Variants in SYBU observed in about 807,000 individuals in gnomAD.
SYBU encodes syntabulin.
Under a neutral mutation model 35.9 loss-of-function variants are expected in SYBU, and 21 were observed. That is an observed-to-expected ratio of 0.58 (90% CI 0.41 to 0.84). The LOEUF (loss-of-function observed/expected upper bound fraction) is 0.84. Among genes scored for constraint, SYBU ranks in the 40% least tolerant of loss-of-function variants. The pLI, the probability that SYBU is intolerant of heterozygous loss-of-function variation, is 0.00. For synonymous variants in SYBU, 319 were observed against 324.3 expected (o/e 0.98, Z 0.18); for missense variants, 768 against 848.2 (o/e 0.91, Z 1.17).
intron 3 of SYBU, among the ~76,000 whole-genome samples, chr8:109,610,382 C>T (rs1027295138): frequency 6.6e-6 from 1 of 152,226 alleles, no homozygotes; most frequent in African/African-American, 2.4e-5. Flanking sequence ...AGTAAATGTA[C>T]AGCCAGGAGT....
At chr8:109,682,542 G>C (rs1026389177), upstream of SYBU, among the ~76,000 whole-genome samples, 2 of 152,136 alleles carry the variant, frequency 1.3e-5, no homozygotes, top group African/African-American at 4.8e-5. Context: ...GTATCTGGTG[G>C]AAGAAATTTC....
At chr8:109,590,279 G>A (rs990471539) in intron 3 of SYBU, among the ~76,000 whole-genome samples, 2 of 152,226 alleles carry the variant, frequency 1.3e-5, no homozygotes, top group South Asian at 4.1e-4. Context: ...TCCAAGAAAC[G>A]CTTCACAGCC....
intron 1 of SYBU, among the ~76,000 whole-genome samples, chr8:109,676,772 G>A (rs978082649): frequency 1.3e-5 from 2 of 152,190 alleles, no homozygotes; most frequent in African/African-American, 4.8e-5. Flanking sequence ...TCCAGAAGTT[G>A]TATGATTAAA....
chr8:109,647,308 G>A (rs61702273), upstream of SYBU: 17,651 of 152,072 alleles, frequency 0.12, 2,827 homozygotes, highest in African/African-American at 0.36. Context: ...GTTCTCGGAG[G>A]TGGAGGTTTT....
Position 109,597,096 on chromosome 8 carries a change from G to C in SYBU, c.428-10934C>G, listed in dbSNP as rs368543496. ...GACCCTGAATAGCCCTCAAAGATCA[G>C]GAATTACGTGATGCCCTGTTGAGTT... On this transcript the variant is annotated intron_variant, in intron 3 of 6. Transcript: ENST00000276646. Among the ~76,000 whole-genome samples the C allele has an allele frequency of 1.1e-4, 17 of 152,272 alleles. No individual in the cohort carries two copies. In the South Asian group the frequency reaches 3.5e-3, roughly 32 times the overall value.
At chr8:109,662,989 T>C (rs968835479) in intron 1 of SYBU, among the ~76,000 whole-genome samples, 4 of 152,104 alleles carry the variant, frequency 2.6e-5, no homozygotes, top group Non-Finnish European at 4.4e-5. Flanking sequence ...GATTAAGACA[T>C]TTTATGATGT....
intron 3 of SYBU, chr8:109,608,167 C>A: frequency 2.0e-6 from 1 of 490,616 alleles, no homozygotes; most frequent in Non-Finnish European, 3.6e-6. Flanking sequence ...GGCCTTCTCC[C>A]TGGTGACTGC....
chr8:109,691,461 C>T lies in SYBU; in HGVS notation c.-186G>A, dbSNP rs909109056. The T allele has an allele frequency of 3.3e-6, 2 of 614,000 alleles. No homozygotes were observed. Among genetic ancestry groups the T allele is most frequent in the African/African-American group, 3.9e-5 (2 of 51,290 alleles). 38.0% of individuals were successfully genotyped at this position (614,000 alleles called of 1,614,324 possible). On this transcript the variant is annotated 5_prime_UTR_variant, in exon 1 of 8. Transcript: ENST00000422135. The surrounding 1 kb of genome is among the most constrained non-coding windows in gnomAD (Gnocchi z 4.7). ...CCCCGCGTCGCTGCTGGTTTGCGCT[C>T]AGGCCCGGGGAGCCGGGCCCGGCCC...
intron 1 of SYBU, among the ~76,000 whole-genome samples, chr8:109,686,899 G>A (rs762451635): frequency 1.3e-5 from 2 of 151,976 alleles, no homozygotes; most frequent in Non-Finnish European, 2.9e-5. Context: ...TACTTAGAAG[G>A]TCATTTGGAA....
chr8:109,592,435 C>G (rs1824392164), intron 3 of SYBU, among the ~76,000 whole-genome samples: 1 of 148,806 alleles, frequency 6.7e-6, no homozygotes, highest in Non-Finnish European at 1.5e-5. Context: ...CTGAAAGTCC[C>G]AGGGGAAATA....
At position 109,691,468 on chromosome 8, in the gene SYBU, G is replaced by C. The variant is rs1265940084; in HGVS notation, c.-193C>G. 1.8e-6 allele frequency: 1 copy of C among 570,468 alleles called. No individual in the cohort carries two copies. Among genetic ancestry groups the C allele is most frequent in the Admixed American group, 3.7e-5 (1 of 27,266 alleles). The allele number at this position is 570,468 out of a possible 1,614,324, so 35.3% of individuals were successfully genotyped here. On this transcript the variant is annotated 5_prime_UTR_variant, in exon 1 of 8. Coordinates refer to the SYBU transcript ENST00000422135. This position sits in a 1 kb window ranked among gnomAD's most constrained non-coding sequence, Gnocchi z 4.7. ...TCGCTGCTGGTTTGCGCTCAGGCCC[G>C]GGGAGCCGGGCCCGGCCCGCTCCGC...
intron 1 of SYBU, among the ~76,000 whole-genome samples, chr8:109,668,089 G>A (rs909199778): frequency 2.8e-5 from 4 of 142,406 alleles, no homozygotes; most frequent in African/African-American, 1.0e-4. Flanking sequence ...GCAAACACAA[G>A]TCACAAGTAT....
At chr8:109,583,778 T>C (rs1011975489) in intron 4 of SYBU, among the ~76,000 whole-genome samples, 1 of 152,168 alleles carries the variant, frequency 6.6e-6, no homozygotes, top group African/African-American at 2.4e-5. Flanking sequence ...AATCTACTGA[T>C]GGTACTCTGT....
At chr8:109,596,383 TA>T (rs1824880381) in intron 3 of SYBU, among the ~76,000 whole-genome samples, 1 of 152,188 alleles carries the variant, frequency 6.6e-6, no homozygotes, top group Non-Finnish European at 1.5e-5. Flanking sequence ...TGTTTATGTT[TA>T]ATATAATAAA....
At chr8:109,651,869 T>G (rs1816156057) in intron 1 of SYBU, among the ~76,000 whole-genome samples, 1 of 152,224 alleles carries the variant, frequency 6.6e-6, no homozygotes, top group Non-Finnish European at 1.5e-5. Context: ...TTTCTCTCGA[T>G]GACTTATGGC....
chr8:109,623,599 TA>T (rs1812674636), intron 2 of SYBU, among the ~76,000 whole-genome samples: 1 of 152,194 alleles, frequency 6.6e-6, no homozygotes, highest in Non-Finnish European at 1.5e-5. Flanking sequence ...TAAATGTTGT[TA>T]AAAAATGATT....
At chr8:109,649,816 ATGAT>A (rs1226951339), upstream of SYBU, among the ~76,000 whole-genome samples, 1 of 152,210 alleles carries the variant, frequency 6.6e-6, no homozygotes. Context: ...ATGAATCAGA[ATGAT>A]TGAAATTAAG....
intron 1 of SYBU, among the ~76,000 whole-genome samples, chr8:109,654,356 A>G (rs921494416): frequency 6.6e-6 from 1 of 152,060 alleles, no homozygotes. Context: ...GCTAGTTTTG[A>G]TCTTAGTCTT....
At position 109,641,381 on chromosome 8, in the gene SYBU, G is replaced by A. The variant is rs569590257; in HGVS notation, c.229+1347C>T. ...CTTCTGTAAGCCAGGTACCGTGTAAGGTGAACATTTAGGTACTGGTCTCAT... is the reference window on the plus strand; with the variant it reads ...CTTCTGTAAGCCAGGTACCGTGTAAAGTGAACATTTAGGTACTGGTCTCAT... On this transcript the variant is annotated intron_variant, in intron 2 of 6. Transcript: ENST00000276646. 3.1e-3 allele frequency among the ~76,000 whole-genome samples: 473 copies of A among 152,336 alleles called. 1 individual carries two copies. The highest frequency in any genetic ancestry group is 5.0e-3 in the Non-Finnish European group (340 of 68,024).
Sources: gnomAD v4.1 joint callset for allele counts (sites outside exome capture counted in the v4.1 genomes callset) on GRCh38, gnomAD v4.1.1 for gene constraint, Gnocchi (gnomAD v3.1) non-coding constraint, MANE v1.5 for transcripts, NCBI Gene and HGNC (gene_info 2026-07-23, HGNC 2026-07-21) for gene names.